The following DNAJB1 variants were observed in gnomAD, a reference collection of about 807,000 sequenced individuals.
DNAJB1 encodes dnaJ homolog subfamily B member 1.
In DNAJB1, 14 loss-of-function variants were observed where a neutral mutation model predicts 24.0. The observed-to-expected ratio is 0.58, with a 90% CI of 0.39 to 0.91. DNAJB1 has a LOEUF of 0.91. DNAJB1 is among the 40% of genes least tolerant of loss of function. The pLI is 0.00. For missense variants in DNAJB1, 517 were observed against 458.1 expected (o/e 1.13, Z -1.17); for synonymous variants, 262 against 174.4 (o/e 1.50, Z -3.96).
At chr19:14,518,700 C>G (rs1443496367), upstream of DNAJB1, among the ~76,000 whole-genome samples, 2 of 152,232 alleles carry the variant, frequency 1.3e-5, no homozygotes, top group African/African-American at 4.8e-5. Context: ...CTACGCGGCC[C>G]CAGCTACCCT....
At chr19:14,542,165 A>G (rs947985625) in intron 1 of DNAJB1, among the ~76,000 whole-genome samples, 4 of 151,814 alleles carry the variant, frequency 2.6e-5, no homozygotes, top group Non-Finnish European at 5.9e-5. Context: ...GGGTCTTGCT[A>G]TATTGCCCAG....
upstream of DNAJB1, chr19:14,530,364 C>T (rs1905078822): frequency 6.5e-6 from 1 of 153,592 alleles, no homozygotes; most frequent in Non-Finnish European, 1.5e-5. Context: ...GTCTCTTTTT[C>T]CCTTAAAACG....
At chr19:14,517,797 C>G (rs2072299661) in intron 1 of DNAJB1, 1 of 228,674 alleles carries the variant, frequency 4.4e-6, no homozygotes, top group Admixed American at 5.7e-5. Flanking sequence ...CAGGTGAGCC[C>G]GGGTCCGCAG....
chr19:14,551,295 G>C (rs931645650), upstream of DNAJB1, among the ~76,000 whole-genome samples: 1 of 151,664 alleles, frequency 6.6e-6, no homozygotes, highest in Non-Finnish European at 1.5e-5. Flanking sequence ...GGCTACTCTC[G>C]AACTCCTGAC....
At position 14,516,800 on chromosome 19, in the gene DNAJB1, T is replaced by G; in HGVS notation, c.458A>C (p.Gln153Pro). Residue 153 changes from glutamine to proline, a missense_variant, in exon 2 of 3, where the codon CAA (glutamine) becomes CCA (proline). Transcript: ENST00000254322. Reference protein sequence around the residue: ...NVNFGRSRSAQEPARKKQDPP... With the variant: ...NVNFGRSRSAPEPARKKQDPP... ...ATCTTGCTTCTTTCGGGCGGGCTCT[T>G]GGGCAGAGCGGGAGCGGCCAAAGTT... 3 of 1,613,890 alleles carry G rather than the reference T, an allele frequency of 1.9e-6. No individual in the cohort carries two copies. The highest frequency in any genetic ancestry group is 2.5e-6 in the Non-Finnish European group (3 of 1,179,996).
At chr19:14,541,758 C>T (rs1265611287) in intron 1 of DNAJB1, among the ~76,000 whole-genome samples, 1 of 151,690 alleles carries the variant, frequency 6.6e-6, no homozygotes, top group Non-Finnish European at 1.5e-5. Flanking sequence ...TGTAGCCACC[C>T]AGAGAGACCT....
intron 2 of DNAJB1, among the ~76,000 whole-genome samples, chr19:14,526,807 A>G (rs919042661): frequency 1.3e-5 from 2 of 152,112 alleles, no homozygotes; most frequent in African/African-American, 2.4e-5. Context: ...AATTTGCATA[A>G]CTGGTGAAGG....
Position 14,516,027 on chromosome 19 carries a change from C to T in DNAJB1, c.936G>A (p.Gly312=), listed in dbSNP as rs759767648. ...LPLPKTPEKR[G]DLIIEFEVIF... ...TCACTTCAAACTCAATAATGAGGTC[C>T]CCACGTTTCTCGGGTGTTTTGGGGA... The change falls in exon 3 of 3, where the codon GGG becomes GGA. Residue 312 remains glycine, a synonymous_variant. Transcript: ENST00000254322. 38 of 1,612,822 alleles carry T rather than the reference C, an allele frequency of 2.4e-5. No individual in the cohort carries two copies. The highest frequency in any genetic ancestry group is 5.4e-5 in the African/African-American group (4 of 74,740).
intron 2 of DNAJB1, among the ~76,000 whole-genome samples, chr19:14,523,933 A>T (rs2072389984): frequency 1.3e-5 from 2 of 152,280 alleles, no homozygotes; most frequent in African/African-American, 4.8e-5. Flanking sequence ...CTATAATAAC[A>T]TCTAACACTG....
intron 1 of DNAJB1, among the ~76,000 whole-genome samples, chr19:14,542,598 G>A (rs1470885395): frequency 6.6e-6 from 1 of 151,458 alleles, no homozygotes; most frequent in Non-Finnish European, 1.5e-5. Context: ...CTGACCTCAG[G>A]TGATCTACAC....
chr19:14,542,642 A>G (rs1224327138), intron 1 of DNAJB1, among the ~76,000 whole-genome samples: 1 of 152,124 alleles, frequency 6.6e-6, no homozygotes, highest in African/African-American at 2.4e-5. Flanking sequence ...GATTAGAGGC[A>G]TTGAGGCACT....
upstream of DNAJB1, among the ~76,000 whole-genome samples, chr19:14,533,095 G>C (rs1366273912): frequency 6.9e-6 from 1 of 145,760 alleles, no homozygotes; most frequent in East Asian, 2.0e-4. Flanking sequence ...CTGGGTGACA[G>C]AGCGAGACTC....
chr19:14,535,578 A>G (rs1283830447), intron 1 of DNAJB1, among the ~76,000 whole-genome samples: 2 of 40,006 alleles, frequency 5.0e-5, no homozygotes, highest in South Asian at 7.2e-4. Flanking sequence ...ATATATATAT[A>G]TATATATATA....
chr19:14,529,582 A>C, upstream of DNAJB1: 1 of 1,530,426 alleles, frequency 6.5e-7, no homozygotes, highest in African/African-American at 1.4e-5. Context: ...GGCGGGGCGG[A>C]CGCAGAGCCG....
At chr19:14,538,233 A>T (rs538077389) in intron 1 of DNAJB1, among the ~76,000 whole-genome samples, 1 of 152,220 alleles carries the variant, frequency 6.6e-6, no homozygotes, top group African/African-American at 2.4e-5. Flanking sequence ...TGGGTCGTGC[A>T]CTGGGGAAAG....
chr19:14,536,020 C>T (rs1854017450), intron 1 of DNAJB1, among the ~76,000 whole-genome samples: 1 of 151,920 alleles, frequency 6.6e-6, no homozygotes, highest in Admixed American at 6.6e-5. Flanking sequence ...ATCTCAGAGC[C>T]CCAGGCTTGA....
chr19:14,534,355 ACCTTATGATCCG>A, upstream of DNAJB1, among the ~76,000 whole-genome samples: 1 of 133,306 alleles, frequency 7.5e-6, no homozygotes, highest in South Asian at 2.4e-4. Context: ...CGATCTCCTG[ACCTTATGATCCG>A]CCCGCCTCGG....
chr19:14,523,778 C>T (rs776023379), intron 2 of DNAJB1, among the ~76,000 whole-genome samples: 3 of 152,044 alleles, frequency 2.0e-5, no homozygotes, highest in East Asian at 3.8e-4. Flanking sequence ...CCACCATGCC[C>T]GGCTAATTTT....
chr19:14,516,011 A>G lies in DNAJB1; in HGVS notation c.952T>C (p.Phe318Leu), dbSNP rs773412227. 1 of 1,611,098 alleles carries G rather than the reference A, an allele frequency of 6.2e-7. No homozygotes were observed. Among genetic ancestry groups the G allele is most frequent in the South Asian group, 1.1e-5 (1 of 90,938 alleles). ...PEKRGDLIIE[F>L]EVIFPERIPQ... is the part of the protein sequence containing the mutation. ...ATCCTTTCGGGGAAGATCACTTCAAACTCAATAATGAGGTCCCCACGTTTC... is the reference window on the plus strand; with the variant it reads ...ATCCTTTCGGGGAAGATCACTTCAAGCTCAATAATGAGGTCCCCACGTTTC... Residue 318 changes from phenylalanine to leucine, a missense_variant, in exon 3 of 3, where the codon TTT becomes CTT. Coordinates refer to ENST00000254322, the MANE Select transcript of DNAJB1 (RefSeq NM_006145.3).
Sources: allele counts gnomAD v4.1 joint callset (sites outside exome capture counted in the v4.1 genomes callset), GRCh38; gene constraint gnomAD v4.1.1; transcripts MANE v1.5; gene names NCBI Gene and HGNC (gene_info 2026-07-23, HGNC 2026-07-21).